The following KMT2A variants were observed in gnomAD, a reference collection of about 807,000 sequenced individuals.
The protein encoded by KMT2A is histone-lysine N-methyltransferase 2A.
Under a neutral mutation model 345.3 loss-of-function variants are expected in KMT2A, and 16 were observed. The observed-to-expected ratio is 0.05, with a 90% CI of 0.03 to 0.07. The LOEUF (loss-of-function observed/expected upper bound fraction) is 0.07. Ranked by LOEUF, KMT2A falls within the 10% of genes least tolerant of loss-of-function variation. The pLI is 1.00. For missense variants in KMT2A, 3,272 were observed against 4,841.6 expected (o/e 0.68, Z 9.62); for synonymous variants, 1,599 against 1,778.6 (o/e 0.90, Z 2.54).
chr11:118,503,936 T>A lies in KMT2A; in HGVS notation c.8044T>A (p.Leu2682Ile). Residue 2682 changes from leucine to isoleucine, a missense_variant, in exon 27 of 36, where the codon TTA becomes ATA. Coordinates refer to ENST00000534358, the MANE Select transcript of KMT2A (RefSeq NM_001197104.2). This position sits in a 1 kb window ranked among gnomAD's most constrained non-coding sequence, Gnocchi z 5.3. ...CTTAAGCACTTCAGATGAAGACGAC[T>A]TATACTATTACAACTTCACTAGAAC... ...DDLSTSDEDD[L>I]YYYNFTRTVI... The A allele has an allele frequency of 6.2e-7, 1 of 1,614,140 alleles. No homozygotes were observed. Among genetic ancestry groups the A allele is most frequent in the Non-Finnish European group, 8.5e-7 (1 of 1,180,016 alleles).
At chr11:118,440,557 T>A (rs1555139892) in intron 1 of KMT2A, among the ~76,000 whole-genome samples, 1 of 152,174 alleles carries the variant, frequency 6.6e-6, no homozygotes. Flanking sequence ...AATGTCATAA[T>A]CCAGTTACCT....
chr11:118,505,829 G>C lies in KMT2A; in HGVS notation c.9937G>C (p.Ala3313Pro), dbSNP rs1591285579. The C allele has an allele frequency of 1.2e-6, 2 of 1,614,120 alleles. No homozygotes were observed. The highest frequency in any genetic ancestry group is 1.7e-6 in the Non-Finnish European group (2 of 1,179,984). Residue 3313 changes from alanine (A) to proline (P), a missense_variant, in exon 27 of 36, where the codon GCT becomes CCT. Physicochemically the swap from Ala to Pro is conservative, Grantham distance 27. Coordinates refer to ENST00000534358, the MANE Select transcript of KMT2A (RefSeq NM_001197104.2). This position sits in a 1 kb window ranked among gnomAD's most constrained non-coding sequence, Gnocchi z 4.6. ...PLLPQSVGGT[A>P]ATAAGTSTIS... ...GTTACCACAGAGTGTGGGAGGAACT[G>C]CTGCCACAGCGGCAGGCACATCAAC...
chr11:118,491,589 T>C lies in KMT2A; in HGVS notation c.4820-155T>C, dbSNP rs1365849388. Among the ~76,000 whole-genome samples the C allele has an allele frequency of 6.6e-6, 1 of 152,220 alleles. No homozygotes were observed. Among genetic ancestry groups the C allele is most frequent in the Non-Finnish European group, 1.5e-5 (1 of 68,038 alleles). Reference sequence around the variant, plus strand: ...TTAGTGTTAATTAATAATGCCACTTTTTGAGATCAATATGTGTCATATCCA... The same window carrying C: ...TTAGTGTTAATTAATAATGCCACTTCTTGAGATCAATATGTGTCATATCCA... On this transcript the variant is annotated intron_variant, in intron 14 of 35. Coordinates refer to ENST00000534358, the MANE Select transcript of KMT2A (RefSeq NM_001197104.2). The surrounding 1 kb of genome is among the most constrained non-coding windows in gnomAD (Gnocchi z 4.2).
In KMT2A at chr11:118,520,227, G is replaced by A. The variant is rs577327437; in HGVS notation, c.11429+163G>A. ...TAGCAGTAGGTGCCTGGTAAGGAGT[G>A]AGGAATATAAGGTACAGAGGAGAAA... is the stretch of plus-strand genomic sequence containing the variant. On this transcript the variant is annotated intron_variant, in intron 33 of 35. Coordinates refer to ENST00000534358, the MANE Select transcript of KMT2A (RefSeq NM_001197104.2). This position sits in a 1 kb window ranked among gnomAD's most constrained non-coding sequence, Gnocchi z 4.3. 1 of 606,458 alleles carries A rather than the reference G, an allele frequency of 1.6e-6. No individual in the cohort carries two copies. Among genetic ancestry groups the A allele is most frequent in the Admixed American group, 3.0e-5 (1 of 33,626 alleles). 37.6% of individuals were successfully genotyped at this position (606,458 alleles called of 1,614,324 possible).
chr11:118,459,702 G>A (rs928782226), intron 1 of KMT2A, among the ~76,000 whole-genome samples: 8 of 151,222 alleles, frequency 5.3e-5, no homozygotes, highest in African/African-American at 1.2e-4. Context: ...GTCTTGCTCC[G>A]TTGCCCAGGC....
intron 1 of KMT2A, among the ~76,000 whole-genome samples, chr11:118,437,201 T>C (rs1949206412): frequency 6.7e-6 from 1 of 149,418 alleles, no homozygotes; most frequent in Admixed American, 6.6e-5. Flanking sequence ...CCAAATCCCT[T>C]GGCACAGACC....
chr11:118,493,005 G>T lies in KMT2A; in HGVS notation c.5005-52G>T. On this transcript the variant is annotated intron_variant, in intron 15 of 35. Transcript: ENST00000534358. This position sits in a 1 kb window ranked among gnomAD's most constrained non-coding sequence, Gnocchi z 5.8. ...TATTAATTTTAATAGAATTTACATG[G>T]ACACCTTGGTTTTAGTGTTAGATAA... The T allele has an allele frequency of 7.1e-7, 1 of 1,401,654 alleles. No homozygotes were observed. The highest frequency in any genetic ancestry group is 1.3e-5 in the South Asian group (1 of 79,782). 86.8% of individuals were successfully genotyped at this position (1,401,654 alleles called of 1,614,324 possible). A position where few individuals can be genotyped will look rare whatever the true frequency, so the allele number is the denominator to read the frequency against.
Position 118,505,227 on chromosome 11 carries a change from G to T in KMT2A, c.9335G>T (p.Ser3112Ile), listed in dbSNP as rs1950560474. The part of the protein sequence containing the change: ...TQKIQLTSSV[S>I]STPSVMETNT... ...AAAATCCAATTGACCTCTTCTGTTA[G>T]TTCTACACCCAGTGTGATGGAGACA... Residue 3112 changes from serine to isoleucine, a missense_variant, in exon 27 of 36, where the codon AGT (serine) becomes ATT (isoleucine). Around this residue, in one of 27 missense-constraint regions of KMT2A, gnomAD observed 748 missense variants for 922.2 expected, o/e 0.81. Transcript: ENST00000534358. The surrounding 1 kb of genome is among the most constrained non-coding windows in gnomAD (Gnocchi z 4.6). 3.1e-6 allele frequency: 5 copies of T among 1,614,150 alleles called. No homozygotes were observed. The highest frequency in any genetic ancestry group is 4.2e-6 in the Non-Finnish European group (5 of 1,180,002).
chr11:118,502,455 C>T lies in KMT2A; in HGVS notation c.6563C>T (p.Ser2188Phe). The T allele has an allele frequency of 6.2e-7, 1 of 1,613,950 alleles. No individual in the cohort carries two copies. Among genetic ancestry groups the T allele is most frequent in the Non-Finnish European group, 8.5e-7 (1 of 1,179,902 alleles). ...ACAGTAGGTGATCCTTTACTCTCCT[C>T]TGGACTTCGAAGCATTGGCTCCAGG... ...IVTVGDPLLS[S>F]GLRSIGSRRH... The change falls in exon 27 of 36, where the codon TCT (serine) becomes TTT (phenylalanine). Residue 2188 changes from serine to phenylalanine, a missense_variant. Transcript: ENST00000534358. The surrounding 1 kb of genome is among the most constrained non-coding windows in gnomAD (Gnocchi z 4.9).
Position 118,502,344 on chromosome 11 carries a change from C to G in KMT2A, c.6506-54C>G, listed in dbSNP as rs1591280158. 8.1e-7 allele frequency: 1 copy of G among 1,238,260 alleles called. No individual in the cohort carries two copies. The highest frequency in any genetic ancestry group is 1.1e-6 in the Non-Finnish European group (1 of 886,268). 76.7% of individuals were successfully genotyped at this position (1,238,260 alleles called of 1,614,324 possible). On this transcript the variant is annotated intron_variant, in intron 26 of 35. Transcript: ENST00000534358. The surrounding 1 kb of genome is among the most constrained non-coding windows in gnomAD (Gnocchi z 4.9). The stretch of plus-strand genomic sequence containing the variant: ...GTCAAATCATTGAAACCAGTGACTT[C>G]TACACATTTGTTCTATCTACAATAG...
chr11:118,468,729 T>C (rs563599025), intron 1 of KMT2A, 46 bp from the exon 2 acceptor site: 1 of 1,461,244 alleles, frequency 6.8e-7, no homozygotes, highest in Non-Finnish European at 9.6e-7. Context: ...TGTGTTTGTA[T>C]GCACGTTTTT....
Position 118,495,949 on chromosome 11 carries a change from CTT to C in KMT2A, c.5557+57_5557+58del, listed in dbSNP as rs1210044002. 5.8e-6 allele frequency: 8 copies of C among 1,390,344 alleles called. No individual in the cohort carries two copies. In the African/African-American group the frequency reaches 1.2e-4, roughly 20 times the overall value. The allele number at this position is 1,390,344 out of a possible 1,614,324, so 86.1% of individuals were successfully genotyped here. The stretch of plus-strand genomic sequence containing the variant: ...TTTCCCTCTAGATGCAGATGATTGA[CTT>C]CGTGAATCCAATTCACTAAAATTAG... On this transcript the variant is annotated intron_variant, in intron 19 of 35. Transcript: ENST00000534358. This position sits in a 1 kb window ranked among gnomAD's most constrained non-coding sequence, Gnocchi z 4.1.
In KMT2A at chr11:118,494,826, C is replaced by T; in HGVS notation, c.5363+59C>T. On this transcript the variant is annotated intron_variant, in intron 18 of 35. Transcript: ENST00000534358. This position sits in a 1 kb window ranked among gnomAD's most constrained non-coding sequence, Gnocchi z 5.8. ...CATCGGCTAGAAATCTGAGAGTTCT[C>T]ATATTTCTAGATTGCAGTTTTCCAA... 4 of 1,356,798 alleles carry T rather than the reference C, an allele frequency of 2.9e-6. No homozygotes were observed. Among genetic ancestry groups the T allele is most frequent in the Admixed American group, 1.8e-5 (1 of 56,516 alleles). 84.0% of individuals were successfully genotyped at this position (1,356,798 alleles called of 1,614,324 possible).
intron 1 of KMT2A, among the ~76,000 whole-genome samples, chr11:118,463,939 G>A (rs1949793530): frequency 6.6e-6 from 1 of 152,190 alleles, no homozygotes; most frequent in Non-Finnish European, 1.5e-5. Context: ...CATAAGTTCT[G>A]CTAAAATTGA....
rs1950539996 is a variant in KMT2A at position 118,503,833 on chromosome 11, C to T, written c.7941C>T (p.Asp2647=). ...LYGVRSYGEE[D]IPFYSSSTGK... is the part of the protein sequence containing the mutation. ...GAGTAAGATCCTATGGTGAAGAAGA[C>T]ATTCCATTCTACAGCAGCTCAACTG... Residue 2647 remains aspartate, a synonymous_variant, in exon 27 of 36, where the codon GAC becomes GAT. Coordinates refer to ENST00000534358, the MANE Select transcript of KMT2A (RefSeq NM_001197104.2). The surrounding 1 kb of genome is among the most constrained non-coding windows in gnomAD (Gnocchi z 5.3). 1 of 1,614,114 alleles carries T rather than the reference C, an allele frequency of 6.2e-7. No homozygotes were observed. The highest frequency in any genetic ancestry group is 1.1e-5 in the South Asian group (1 of 91,084).
rs782170406 is a variant in KMT2A, at chr11:118,505,359, T to C, written c.9467T>C (p.Leu3156Ser). The change falls in exon 27 of 36, where the codon TTG becomes TCG. Residue 3156 changes from leucine (L) to serine (S), a missense_variant. Leu to Ser is a moderately radical substitution (Grantham distance 145). This residue lies in a region of KMT2A where 748 missense variants were observed against 922.2 expected (regional missense o/e 0.81). Coordinates refer to ENST00000534358, the MANE Select transcript of KMT2A (RefSeq NM_001197104.2). This position sits in a 1 kb window ranked among gnomAD's most constrained non-coding sequence, Gnocchi z 4.6. ...TTGTTCCCTTCTGCTAGCAAAGGAT[T>C]GCTACCCATGTCTCATCACCAGCAC... is the stretch of plus-strand genomic sequence containing the variant. Reference protein sequence around the residue: ...QSLFPSASKGLLPMSHHQHLH... With the variant: ...QSLFPSASKGSLPMSHHQHLH... The C allele has an allele frequency of 6.2e-7, 1 of 1,614,204 alleles. No homozygotes were observed. The highest frequency in any genetic ancestry group is 8.5e-7 in the Non-Finnish European group (1 of 1,180,026).
chr11:118,499,542 G>T, intron 23 of KMT2A, 122 bp downstream of exon 23: 1 of 741,310 alleles, frequency 1.3e-6, no homozygotes, highest in East Asian at 2.5e-5. Context: ...CCAGCACTTT[G>T]GGAGGCTGAG....
intron 1 of KMT2A, among the ~76,000 whole-genome samples, chr11:118,446,416 A>G (rs894857432): frequency 5.9e-5 from 9 of 152,210 alleles, no homozygotes; most frequent in African/African-American, 1.7e-4. Flanking sequence ...GAAACCATCA[A>G]TACACCTCAG....
At chr11:118,487,876 T>C (rs1426424829) in intron 10 of KMT2A, among the ~76,000 whole-genome samples, 2 of 152,240 alleles carry the variant, frequency 1.3e-5, no homozygotes, top group Non-Finnish European at 2.9e-5. Flanking sequence ...TGAAAATAAC[T>C]TATTTCTAAA....
Sources: allele counts gnomAD v4.1 joint callset (sites outside exome capture counted in the v4.1 genomes callset), GRCh38; gene constraint gnomAD v4.1.1; regional missense constraint gnomAD v4.1.1; non-coding constraint Gnocchi (gnomAD v3.1); transcripts MANE v1.5; gene names NCBI Gene and HGNC (gene_info 2026-07-23, HGNC 2026-07-21).